Variants in PPP1R7 observed in about 807,000 individuals in gnomAD.
PPP1R7 encodes the protein protein phosphatase 1 regulatory subunit 22.
PPP1R7 carries 18 observed loss-of-function variants against 45.2 expected under a neutral mutation model. The ratio of observed to expected loss-of-function variants is 0.40; its 90% CI spans 0.28 to 0.59. PPP1R7 has a LOEUF of 0.59. Among genes scored for constraint, PPP1R7 ranks in the 20% least tolerant of loss-of-function variants. The pLI, the probability that PPP1R7 is intolerant of heterozygous loss-of-function variation, is 0.46. For synonymous variants in PPP1R7, 181 were observed against 183.4 expected (o/e 0.99, Z 0.11); for missense variants, 314 against 455.8 (o/e 0.69, Z 2.83).
Position 241,182,955 on chromosome 2 carries a change from C to A in PPP1R7, c.*132C>A. On this transcript the variant is annotated 3_prime_UTR_variant, in exon 10 of 10. Transcript: ENST00000234038. Reference sequence around the variant, plus strand: ...AACCCAATGGCAATAAAGGCACTGACGATAGCTGGCGCGCGCGACGTCACA... The same window carrying A: ...AACCCAATGGCAATAAAGGCACTGAAGATAGCTGGCGCGCGCGACGTCACA... 1 of 1,034,514 alleles carries A rather than the reference C, an allele frequency of 9.7e-7. No homozygotes were observed. Among genetic ancestry groups the A allele is most frequent in the Non-Finnish European group, 1.4e-6 (1 of 727,170 alleles). The allele number at this position is 1,034,514 out of a possible 1,614,324, so 64.1% of individuals were successfully genotyped here.
chr2:241,158,536 T>C lies in PPP1R7; in HGVS notation c.290T>C (p.Leu97Pro). The C allele has an allele frequency of 6.2e-7, 1 of 1,613,592 alleles. No homozygotes were observed. Among genetic ancestry groups the C allele is most frequent in the Non-Finnish European group, 8.5e-7 (1 of 1,179,450 alleles). Residue 97 changes from leucine (L) to proline (P), a missense_variant, in exon 4 of 10, where the codon CTG (leucine) becomes CCG (proline). By Grantham distance (98) the Leu-to-Pro change is moderately conservative. Around this residue, in one of 3 missense-constraint regions of PPP1R7, gnomAD observed 112 missense variants for 144.5 expected, o/e 0.78. Transcript: ENST00000234038. ...RIGKIEGFEV[L>P]KKVKTLCLRQ... Reference sequence around the variant, plus strand: ...GGGAAGATTGAAGGATTTGAGGTACTGAAGAAAGTGAAGGTGAGAGGGACT... The same window carrying C: ...GGGAAGATTGAAGGATTTGAGGTACCGAAGAAAGTGAAGGTGAGAGGGACT...
intron 3 of PPP1R7, 114 bp from the exon 4 acceptor site, chr2:241,158,370 C>A: frequency 2.2e-6 from 2 of 919,150 alleles, no homozygotes; most frequent in Non-Finnish European, 1.8e-6. Context: ...CTGCTGCAGA[C>A]CCACCTGGCA....
rs534235743 is a variant in PPP1R7 at position 241,160,224 on chromosome 2, G to A, written c.435-108G>A. On this transcript the variant is annotated intron_variant, in intron 5 of 9. Transcript: ENST00000234038. ...ACCCCCCACCCTCTCCCACCCGGTA[G>A]TGACTGCCGTCCCCTGATGGGGACG... 7.9e-6 allele frequency: 6 copies of A among 761,080 alleles called. No individual in the cohort carries two copies. The African/African-American group carries it at 1.1e-4, about 14-fold the overall frequency. 47.1% of individuals were successfully genotyped at this position (761,080 alleles called of 1,614,324 possible).
chr2:241,159,392 G>A (rs1420194900), intron 5 of PPP1R7, 49 bp downstream of exon 5: 3 of 1,600,532 alleles, frequency 1.9e-6, no homozygotes, highest in South Asian at 2.2e-5. Context: ...AGGCCACTGG[G>A]TGGGGGGTGT....
Position 241,164,182 on chromosome 2 carries a change from ATTTC to A in PPP1R7, c.714+788_714+791del, listed in dbSNP as rs540302520. ...ACCTCCTGCCTTGGCCTCCCAAAAA[ATTTC>A]TTTCTTAAGTGCCATGTTTTTGGCT... On this transcript the variant is annotated intron_variant, in intron 7 of 9. Coordinates refer to ENST00000234038, the MANE Select transcript of PPP1R7 (RefSeq NM_002712.3). Among the ~76,000 whole-genome samples, 13 of 152,168 alleles carry A rather than the reference ATTTC, an allele frequency of 8.5e-5. 1 individual carries two copies. The East Asian group carries it at 2.1e-3, about 25-fold the overall frequency.
At chr2:241,163,436 C>A in intron 7 of PPP1R7, 35 bp downstream of exon 7, 1 of 1,452,386 alleles carries the variant, frequency 6.9e-7, no homozygotes, top group Non-Finnish European at 9.7e-7. Flanking sequence ...TCCCTGCGAG[C>A]CCTGGCAGGG....
chr2:241,180,738 G>A (rs1041891375), intron 9 of PPP1R7, among the ~76,000 whole-genome samples: 25 of 138,954 alleles, frequency 1.8e-4, no homozygotes, highest in Admixed American at 2.7e-4. Context: ...CTCACGTCCC[G>A]TCCACATGGA....
intron 9 of PPP1R7, among the ~76,000 whole-genome samples, chr2:241,170,920 C>T (rs575519129): frequency 5.3e-5 from 8 of 152,098 alleles, no homozygotes; most frequent in Middle Eastern, 3.4e-3. Context: ...TATGTGCAGC[C>T]CACCCTTGAA....
chr2:241,183,641 C>A lies in PPP1R7; in HGVS notation c.*818C>A. 3.2e-6 allele frequency: 1 copy of A among 312,974 alleles called. No individual in the cohort carries two copies. The highest frequency in any genetic ancestry group is 6.3e-6 in the Non-Finnish European group (1 of 158,436). 19.4% of individuals were successfully genotyped at this position (312,974 alleles called of 1,614,324 possible). On this transcript the variant is annotated 3_prime_UTR_variant, in exon 10 of 10. Coordinates refer to ENST00000234038, the MANE Select transcript of PPP1R7 (RefSeq NM_002712.3). Reference sequence around the variant, plus strand: ...TTTGGCTTTTTTAATATAAAATGTACATTGACAGACACCCGAAGTCTGGAT... The same window carrying A: ...TTTGGCTTTTTTAATATAAAATGTAAATTGACAGACACCCGAAGTCTGGAT...
intron 4 of PPP1R7, 73 bp from the exon 5 acceptor site, chr2:241,159,140 C>T: frequency 1.3e-6 from 2 of 1,532,304 alleles, no homozygotes; most frequent in South Asian, 1.2e-5. Context: ...TTCTTGTGTC[C>T]TCCAGTATCA....
At chr2:241,158,377 G>A in intron 3 of PPP1R7, 107 bp from the exon 4 acceptor site, 2 of 993,566 alleles carry the variant, frequency 2.0e-6, no homozygotes, top group East Asian at 2.4e-5. Context: ...AGACCCACCT[G>A]GCACTGCCTC....
At chr2:241,159,458 C>A in intron 5 of PPP1R7, 115 bp downstream of exon 5, 1 of 1,325,516 alleles carries the variant, frequency 7.5e-7, no homozygotes, top group Non-Finnish European at 1.0e-6. Context: ...GCTGCCTCTG[C>A]CACAGGGTCC....
At chr2:241,156,239 A>G (rs2067454480) in intron 2 of PPP1R7, among the ~76,000 whole-genome samples, 1 of 152,258 alleles carries the variant, frequency 6.6e-6, no homozygotes, top group Non-Finnish European at 1.5e-5. Context: ...CCTGTAAGGT[A>G]GTGACAATGA....
chr2:241,149,703 AAATGGGTGAGT>A, upstream of PPP1R7: 3 of 1,551,446 alleles, frequency 1.9e-6, no homozygotes, highest in South Asian at 3.5e-5. Flanking sequence ...CTCGCGATCA[AAATGGGTGAGT>A]AGCGCAGAGC....
chr2:241,166,161 C>CA (rs1330551315), intron 7 of PPP1R7, among the ~76,000 whole-genome samples, 176 bp from the exon 8 acceptor site: 1 of 152,022 alleles, frequency 6.6e-6, no homozygotes, highest in Non-Finnish European at 1.5e-5. Flanking sequence ...CTCGGCCTCC[C>CA]AAAGTGCTGG....
At chr2:241,182,498 G>T (rs2068022025) in intron 9 of PPP1R7, 149 bp from the exon 10 acceptor site, 7 of 925,618 alleles carry the variant, frequency 7.6e-6, no homozygotes, top group Non-Finnish European at 9.8e-6. Context: ...GCACCAAGAG[G>T]CCATGGAAGG....
intron 9 of PPP1R7, among the ~76,000 whole-genome samples, chr2:241,179,955 C>G (rs2067971617): frequency 6.6e-6 from 1 of 152,186 alleles, no homozygotes; most frequent in Admixed American, 6.5e-5. Flanking sequence ...CTGAGATTGG[C>G]AGTGCTATGG....
At chr2:241,182,557 T>G in intron 9 of PPP1R7, 90 bp from the exon 10 acceptor site, 3 of 1,493,852 alleles carry the variant, frequency 2.0e-6, no homozygotes, top group Non-Finnish European at 2.8e-6. Context: ...ATCTTCTGAG[T>G]GGGAAGGAGG....
chr2:241,179,182 G>T (rs963986243), intron 9 of PPP1R7, among the ~76,000 whole-genome samples: 1 of 152,156 alleles, frequency 6.6e-6, no homozygotes, highest in Non-Finnish European at 1.5e-5. Flanking sequence ...CCGTTGGTTC[G>T]GGCAAGGGAT....
Sources: gnomAD v4.1 joint callset for allele counts (sites outside exome capture counted in the v4.1 genomes callset) on GRCh38, gnomAD v4.1.1 for gene constraint, gnomAD v4.1.1 regional missense constraint, MANE v1.5 for transcripts, NCBI Gene and HGNC (gene_info 2026-07-23, HGNC 2026-07-21) for gene names.